Variants in CSMD2 observed in about 807,000 individuals in gnomAD.
The protein encoded by CSMD2 is CUB and Sushi multiple domains 2.
CSMD2 carries 130 observed loss-of-function variants against 398.5 expected under a neutral mutation model. The observed-to-expected ratio is 0.33, with a 90% CI of 0.28 to 0.38. The LOEUF is 0.38. Ranked by LOEUF, CSMD2 falls within the 10% of genes least tolerant of loss-of-function variation. The pLI is 1.00. For synonymous variants in CSMD2, 1,828 were observed against 1,908.5 expected, an observed-to-expected ratio of 0.96 and a Z score of 1.10; for missense variants, 3,829 against 4,764.9, an observed-to-expected ratio of 0.80 and a Z score of 5.78.
At chr1:34,110,031 ACT>A (rs1486454331) in intron 1 of CSMD2, among the ~76,000 whole-genome samples, 1 of 94,326 alleles carries the variant, frequency 1.1e-5, no homozygotes, top group African/African-American at 3.9e-5. Flanking sequence ...ACAGAACGAG[ACT>A]CTGTCTCAAA....
At chr1:34,052,461 G>T (rs993956825) in intron 2 of CSMD2, among the ~76,000 whole-genome samples, 2 of 150,178 alleles carry the variant, frequency 1.3e-5, no homozygotes, top group East Asian at 2.0e-4. Flanking sequence ...TATCCATGGG[G>T]GGGGGGTCGA....
intron 2 of CSMD2, among the ~76,000 whole-genome samples, chr1:34,072,554 T>C (rs1359958452): frequency 6.6e-6 from 1 of 152,222 alleles, no homozygotes; most frequent in Non-Finnish European, 1.5e-5. Context: ...TATCTCATGA[T>C]ACTGCAGGCA....
intron 10 of CSMD2, among the ~76,000 whole-genome samples, chr1:33,794,778 C>A (rs1654743756): frequency 6.6e-6 from 1 of 152,024 alleles, no homozygotes; most frequent in Non-Finnish European, 1.5e-5. Context: ...GAGCCTGTAG[C>A]AAGTTCTAGA....
At chr1:34,160,126 T>C (rs1557452330) in intron 1 of CSMD2, among the ~76,000 whole-genome samples, 1 of 152,262 alleles carries the variant, frequency 6.6e-6, no homozygotes, top group East Asian at 1.9e-4. Flanking sequence ...TGAAGCTGCC[T>C]GCTGGGCTCT....
chr1:34,024,319 G>A (rs1258515506), intron 3 of CSMD2, among the ~76,000 whole-genome samples: 2 of 152,266 alleles, frequency 1.3e-5, no homozygotes, highest in African/African-American at 4.8e-5. Flanking sequence ...CTGCAAGCAG[G>A]CAGCTGCGTG....
intron 15 of CSMD2, among the ~76,000 whole-genome samples, chr1:33,727,110 G>A (rs1357657126): frequency 1.3e-5 from 2 of 152,172 alleles, no homozygotes; most frequent in African/African-American, 2.4e-5. Context: ...TCAGGGTGCC[G>A]GTACTCCCTG....
At chr1:33,546,351 A>T in intron 56 of CSMD2, 132 bp from the exon 57 acceptor site, 1 of 807,284 alleles carries the variant, frequency 1.2e-6, no homozygotes, top group South Asian at 1.9e-5. Context: ...AGCACAAGTT[A>T]CCTGCACATG....
At chr1:33,912,010 T>C (rs140887700) in intron 5 of CSMD2, among the ~76,000 whole-genome samples, 119 of 152,272 alleles carry the variant, frequency 7.8e-4, no homozygotes, top group African/African-American at 2.8e-3. Context: ...ATGGTATGCA[T>C]CCTTCTCGAC....
At chr1:34,077,764 A>T (rs911337083) in intron 2 of CSMD2, among the ~76,000 whole-genome samples, 3 of 135,866 alleles carry the variant, frequency 2.2e-5, no homozygotes, top group African/African-American at 8.0e-5. Flanking sequence ...AAAAAAAAAA[A>T]TGCTGTGAGG....
chr1:33,605,956 G>A (rs1640574634), intron 41 of CSMD2: 1 of 1,613,654 alleles, frequency 6.2e-7, no homozygotes, highest in Non-Finnish European at 8.5e-7. Flanking sequence ...AAACCTCTCA[G>A]GAAGGAAGAA....
chr1:33,552,358 AAGTTAAATATAG>A (rs1215433868), intron 55 of CSMD2, among the ~76,000 whole-genome samples: 1 of 152,220 alleles, frequency 6.6e-6, no homozygotes, highest in Non-Finnish European at 1.5e-5. Context: ...GTTCCTCAAA[AAGTTAAATATAG>A]AGTTCCTATG....
intron 24 of CSMD2, among the ~76,000 whole-genome samples, chr1:33,695,517 C>T (rs1025892418): frequency 2.6e-5 from 4 of 152,124 alleles, no homozygotes; most frequent in African/African-American, 4.8e-5. Flanking sequence ...TGTTCTCCTC[C>T]TTCCTCCCCG....
At chr1:33,594,859 AG>A (rs1339944507) in intron 44 of CSMD2, among the ~76,000 whole-genome samples, 3 of 152,216 alleles carry the variant, frequency 2.0e-5, no homozygotes, top group Admixed American at 6.5e-5. Flanking sequence ...TGGAAATAAA[AG>A]TTTTAATTTG....
chr1:33,651,822 G>A (rs1458687642), intron 28 of CSMD2, among the ~76,000 whole-genome samples: 2 of 152,180 alleles, frequency 1.3e-5, no homozygotes, highest in East Asian at 1.9e-4. Flanking sequence ...GTTCCAGGGG[G>A]TTGAGAGTGA....
At chr1:33,850,946 A>G (rs1638663975) in intron 5 of CSMD2, among the ~76,000 whole-genome samples, 1 of 152,188 alleles carries the variant, frequency 6.6e-6, no homozygotes, top group Non-Finnish European at 1.5e-5. Flanking sequence ...TTTTGTGGGA[A>G]GCATTTCTTC....
At chr1:33,785,440 C>A (rs1353362156) in intron 12 of CSMD2, among the ~76,000 whole-genome samples, 1 of 152,172 alleles carries the variant, frequency 6.6e-6, no homozygotes, top group Non-Finnish European at 1.5e-5. Context: ...GGTTCAAATC[C>A]CAGCTCTGCT....
intron 2 of CSMD2, among the ~76,000 whole-genome samples, chr1:34,078,607 A>G (rs570417112): frequency 3.3e-4 from 50 of 152,166 alleles, no homozygotes; most frequent in Admixed American, 3.3e-4. Context: ...AGGCTCAGAG[A>G]AACCAAACCT....
At chr1:33,880,233 T>C (rs371993630) in intron 5 of CSMD2, among the ~76,000 whole-genome samples, 1 of 152,350 alleles carries the variant, frequency 6.6e-6, no homozygotes, top group East Asian at 1.9e-4. Flanking sequence ...CCCCTTTGCA[T>C]AGCTGGGTTG....
At chr1:33,771,824 G>A (rs935944047) in intron 13 of CSMD2, among the ~76,000 whole-genome samples, 2 of 152,206 alleles carry the variant, frequency 1.3e-5, no homozygotes, top group Admixed American at 6.5e-5. Flanking sequence ...GGGAGAAGAC[G>A]TAACAGCCCA....
Sources: gnomAD v4.1 joint callset for allele counts (sites outside exome capture counted in the v4.1 genomes callset) on GRCh38, gnomAD v4.1.1 for gene constraint, MANE v1.5 for transcripts, NCBI Gene and HGNC (gene_info 2026-07-23, HGNC 2026-07-21) for gene names.